Variants in STAG1 observed in about 807,000 individuals in gnomAD.
The protein encoded by STAG1 is STAG1 cohesin complex component.
Under a neutral mutation model 170.9 loss-of-function variants are expected in STAG1, and 26 were observed. The ratio of observed to expected loss-of-function variants is 0.15; its 90% CI spans 0.11 to 0.21. The LOEUF is 0.21. Ranked by LOEUF, STAG1 falls within the 10% of genes least tolerant of loss-of-function variation. STAG1 has a pLI of 1.00. For missense variants in STAG1, 964 were observed against 1,509.5 expected (o/e 0.64, Z 5.99); for synonymous variants, 514 against 497.7 (o/e 1.03, Z -0.44).
intron 4 of STAG1, among the ~76,000 whole-genome samples, chr3:136,586,394 G>A (rs1937824761): frequency 6.6e-6 from 1 of 152,118 alleles, no homozygotes; most frequent in South Asian, 2.1e-4. Flanking sequence ...GGGAAATCAT[G>A]AAGGGACTTA....
At chr3:136,342,089 G>C (rs774048294) in intron 30 of STAG1, among the ~76,000 whole-genome samples, 53 of 147,450 alleles carry the variant, frequency 3.6e-4, no homozygotes, top group Non-Finnish European at 6.4e-4. Flanking sequence ...GCACAATCTT[G>C]GCTCACTGCA....
intron 1 of STAG1, among the ~76,000 whole-genome samples, chr3:136,722,681 C>T (rs375802252): frequency 6.7e-6 from 1 of 150,106 alleles, no homozygotes; most frequent in African/African-American, 2.5e-5. Flanking sequence ...CCCTCTCCCC[C>T]CTTTCCCTCT....
intron 15 of STAG1, among the ~76,000 whole-genome samples, chr3:136,439,069 G>A (rs1045086542): frequency 4.0e-5 from 6 of 151,046 alleles, no homozygotes; most frequent in African/African-American, 1.5e-4. Context: ...GGTGGTGAGC[G>A]CCTGTAATCC....
chr3:136,525,206 C>T (rs1393144879), intron 6 of STAG1, among the ~76,000 whole-genome samples: 3 of 152,192 alleles, frequency 2.0e-5, no homozygotes, highest in Non-Finnish European at 2.9e-5. Flanking sequence ...TGGAATTTGG[C>T]TGTGAATCCA....
Position 136,349,173 on chromosome 3 carries a change from T to C in STAG1, c.3256A>G (p.Lys1086Glu). The C allele has an allele frequency of 6.2e-7, 1 of 1,614,000 alleles. No homozygotes were observed. The change falls in exon 29 of 34, where the codon AAA (lysine) becomes GAA (glutamate). Residue 1086 changes from lysine (K) to glutamate (E), a missense_variant. By Grantham distance (56) the Lys-to-Glu change is moderately conservative (BLOSUM62 1). This residue lies in a region of STAG1 where 122 missense variants were observed against 129.0 expected (regional missense o/e 0.95). Coordinates refer to ENST00000383202, the MANE Select transcript of STAG1 (RefSeq NM_005862.3). ...GCAGACTTACCTTCTACTCGTTTTTTATGAAGTGGAGGTCGTCCTTTCTTA... is the reference window on the plus strand; with the variant it reads ...GCAGACTTACCTTCTACTCGTTTTTCATGAAGTGGAGGTCGTCCTTTCTTA... Reference protein sequence around the residue: ...RNKKGRPPLHKKRVEDESLDN... With the variant: ...RNKKGRPPLHEKRVEDESLDN...
Position 136,344,002 on chromosome 3 carries a change from C to T in STAG1, c.3276G>A (p.Glu1092=), listed in dbSNP as rs372448385. The change falls in exon 30 of 34, where the codon GAG becomes GAA. Residue 1092 remains glutamate (E), a synonymous_variant. Transcript: ENST00000383202. ...PPLHKKRVED[E]SLDNTWLNRT... The stretch of plus-strand genomic sequence containing the variant: ...TGTTTAGCCATGTGTTATCCAGACT[C>T]TCATCTGTAAAATTCCAGTTAAGGT... 1.2e-5 allele frequency: 19 copies of T among 1,571,154 alleles called. No individual in the cohort carries two copies. The highest frequency in any genetic ancestry group is 3.9e-5 in the Admixed American group (2 of 51,502).
chr3:136,491,983 A>G (rs1349217585), intron 9 of STAG1, among the ~76,000 whole-genome samples: 1 of 152,224 alleles, frequency 6.6e-6, no homozygotes, highest in African/African-American at 2.4e-5. Context: ...ACAGAGCAAG[A>G]TTGTCTCAAA....
rs909378937 is a variant in STAG1 at position 136,373,851 on chromosome 3, T to C, written c.2370+3809A>G. 1.1e-4 allele frequency among the ~76,000 whole-genome samples: 17 copies of C among 152,252 alleles called. No individual in the cohort carries two copies. The South Asian group carries it at 2.3e-3, about 20-fold the overall frequency. ...TTGGGGTGGAGAGTTCTGTAGATGT[T>C]TATTAGGTCTGCTTGGTGCAGAGTT... On this transcript the variant is annotated intron_variant, in intron 23 of 33. Coordinates refer to ENST00000383202, the MANE Select transcript of STAG1 (RefSeq NM_005862.3).
intron 22 of STAG1, 146 bp from the exon 23 acceptor site, chr3:136,377,898 T>C: frequency 1.5e-6 from 1 of 653,448 alleles, no homozygotes; most frequent in Non-Finnish European, 2.7e-6. Flanking sequence ...CCATTTAATG[T>C]AGTCATTTCT....
At chr3:136,545,653 C>A (rs1936125135) in intron 5 of STAG1, among the ~76,000 whole-genome samples, 2 of 151,704 alleles carry the variant, frequency 1.3e-5, no homozygotes, top group South Asian at 4.2e-4. Context: ...TGATACCTTT[C>A]AAGCTTAATC....
chr3:136,513,907 A>G (rs1934207484), intron 7 of STAG1, among the ~76,000 whole-genome samples: 1 of 152,164 alleles, frequency 6.6e-6, no homozygotes, highest in Non-Finnish European at 1.5e-5. Flanking sequence ...ATTTTAGAAA[A>G]TGAGGCATAA....
At chr3:136,603,089 C>T (rs1938749711) in intron 4 of STAG1, among the ~76,000 whole-genome samples, 1 of 151,916 alleles carries the variant, frequency 6.6e-6, no homozygotes, top group African/African-American at 2.4e-5. Flanking sequence ...CACTAAACAC[C>T]CTTAAGGGCT....
intron 1 of STAG1, among the ~76,000 whole-genome samples, chr3:136,632,857 C>G (rs1462730140): frequency 6.6e-6 from 1 of 152,024 alleles, no homozygotes; most frequent in African/African-American, 2.4e-5. Flanking sequence ...AAAATACTTC[C>G]GCAAAGAACC....
At chr3:136,467,480 C>T (rs1334581581) in intron 12 of STAG1, among the ~76,000 whole-genome samples, 1 of 152,054 alleles carries the variant, frequency 6.6e-6, no homozygotes, top group East Asian at 1.9e-4. Context: ...ATATATGCAC[C>T]CAATACAGGA....
chr3:136,751,550 G>A (rs947862218), intron 1 of STAG1, among the ~76,000 whole-genome samples: 4 of 152,164 alleles, frequency 2.6e-5, no homozygotes, highest in East Asian at 1.9e-4. Context: ...GGCTGAGAGG[G>A]CAGATAGCTG....
At chr3:136,348,182 TAGAAGCATGA>T (rs1936304110) in intron 29 of STAG1, among the ~76,000 whole-genome samples, 1 of 152,190 alleles carries the variant, frequency 6.6e-6, no homozygotes. Flanking sequence ...GAAAATTTAT[TAGAAGCATGA>T]AGAAGGATGA....
intron 6 of STAG1, among the ~76,000 whole-genome samples, 195 bp from the exon 7 acceptor site, chr3:136,521,612 A>T (rs1473979369): frequency 2.6e-5 from 4 of 152,154 alleles, no homozygotes; most frequent in Non-Finnish European, 5.9e-5. Context: ...TTCTTAAAAT[A>T]CTCAAAATTA....
At chr3:136,636,149 G>A (rs770683589) in intron 1 of STAG1, among the ~76,000 whole-genome samples, 8 of 152,008 alleles carry the variant, frequency 5.3e-5, no homozygotes, top group Non-Finnish European at 7.4e-5. Context: ...TCGGGAGGCT[G>A]AGGCAGGAGA....
chr3:136,679,048 A>T (rs985485658), intron 1 of STAG1, among the ~76,000 whole-genome samples: 2 of 151,682 alleles, frequency 1.3e-5, no homozygotes, highest in Non-Finnish European at 2.9e-5. Context: ...GTTCAAACTT[A>T]TGCCTGCCCA....
Sources: gnomAD v4.1 joint callset for allele counts (sites outside exome capture counted in the v4.1 genomes callset) on GRCh38, gnomAD v4.1.1 for gene constraint, gnomAD v4.1.1 regional missense constraint, MANE v1.5 for transcripts, NCBI Gene and HGNC (gene_info 2026-07-23, HGNC 2026-07-21) for gene names.